The following PRTG variants were observed in gnomAD, a reference collection of about 807,000 sequenced individuals.
PRTG encodes immunoglobulin superfamily, DCC subclass, member 5.
A neutral mutation model predicts 122.5 loss-of-function variants in PRTG; 67 were observed. The observed-to-expected ratio is 0.55, with a 90% CI of 0.45 to 0.67. The LOEUF (loss-of-function observed/expected upper bound fraction) is 0.67. PRTG is among the 30% of genes least tolerant of loss of function. The probability of loss-of-function intolerance (pLI) is 0.00; values close to 1 mark genes in which losing one functional copy is unlikely to be tolerated. For synonymous variants in PRTG, 554 were observed against 501.1 expected (o/e 1.11, Z -1.41); for missense variants, 1,435 against 1,415.4 (o/e 1.01, Z -0.22).
In PRTG at chr15:55,742,973, C is replaced by T. The variant is rs1004611338; in HGVS notation, c.-42G>A. The T allele has an allele frequency of 4.2e-5, 59 of 1,420,018 alleles. No homozygotes were observed. The highest frequency in any genetic ancestry group is 5.1e-5 in the Non-Finnish European group (56 of 1,090,166). The allele number at this position is 1,420,018 out of a possible 1,614,324, so 88.0% of individuals were successfully genotyped here. A position where few individuals can be genotyped will look rare whatever the true frequency, so the allele number is the denominator to read the frequency against. On this transcript the variant is annotated 5_prime_UTR_variant, in exon 1 of 20. Transcript: ENST00000389286. ...GGCATGCTCCCCGGCCGCCCAGAGC[C>T]CCTGTCCGTCTGCGGCCCCCGCCCC...
chr15:55,618,240 A>G lies in PRTG; in HGVS notation c.*1772T>C, dbSNP rs766865. ...ACAAAATTACAGATTTAAAAAAATT[A>G]AAAATGTTATATCTACAGTCATTAG... On this transcript the variant is annotated 3_prime_UTR_variant, in exon 20 of 20. Transcript: ENST00000389286. The G allele has an allele frequency of 6.6e-6, 1 of 152,032 alleles. No individual in the cohort carries two copies. Among genetic ancestry groups the G allele is most frequent in the Non-Finnish European group, 1.5e-5 (1 of 67,988 alleles). The allele number at this position is 152,032 out of a possible 1,614,324, so 9.4% of individuals were successfully genotyped here.
chr15:55,656,218 G>T, intron 11 of PRTG: 1 of 347,884 alleles, frequency 2.9e-6, no homozygotes, highest in Non-Finnish European at 5.6e-6. Context: ...AGGATTACAC[G>T]CTCCACATCG....
At chr15:55,709,398 G>T (rs1481388014) in intron 2 of PRTG, among the ~76,000 whole-genome samples, 1 of 147,896 alleles carries the variant, frequency 6.8e-6, no homozygotes, top group Admixed American at 6.8e-5. Flanking sequence ...TAGAGAGAGA[G>T]AGCGCGTGAG....
At position 55,655,745 on chromosome 15, in the gene PRTG, T is replaced by C. The variant is rs1053506705; in HGVS notation, c.2042-14537A>G. 2.6e-5 allele frequency: 4 copies of C among 152,460 alleles called. No individual in the cohort carries two copies. The South Asian group carries it at 6.2e-4, about 24-fold the overall frequency. The allele number at this position is 152,460 out of a possible 1,614,324, so 9.4% of individuals were successfully genotyped here. On this transcript the variant is annotated intron_variant, in intron 11 of 19. Transcript: ENST00000389286. Reference sequence around the variant, plus strand: ...TAAGAGGCAAACTTATAGTATATACTGACTGATACAACTTTTAAATATCCC... The same window carrying C: ...TAAGAGGCAAACTTATAGTATATACCGACTGATACAACTTTTAAATATCCC...
At position 55,637,152 on chromosome 15, in the gene PRTG, G is replaced by T; in HGVS notation, c.2623+18C>A. ...ATAATCGTACTTTTCACCCTTCATG[G>T]CAATTTATGATATTTACCTTCACGG... On this transcript the variant is annotated intron_variant, in intron 15 of 19. Coordinates refer to ENST00000389286, the MANE Select transcript of PRTG (RefSeq NM_173814.6). 10 of 1,470,520 alleles carry T rather than the reference G, an allele frequency of 6.8e-6. No homozygotes were observed. Among genetic ancestry groups the T allele is most frequent in the Admixed American group, 2.2e-5 (1 of 44,518 alleles). 91.1% of individuals were successfully genotyped at this position (1,470,520 alleles called of 1,614,324 possible).
rs568397271 is a variant in PRTG at position 55,645,486 on chromosome 15, T to A, written c.2042-4278A>T. 2.8e-5 allele frequency among the ~76,000 whole-genome samples: 4 copies of A among 145,386 alleles called. No homozygotes were observed. In the East Asian group the frequency reaches 8.0e-4, roughly 29 times the overall value. ...AGGGACTAGAGCCCTCAAATAGTGT[T>A]AAGATAAACATCACCAGGCAGTAAG... On this transcript the variant is annotated intron_variant, in intron 11 of 19. Transcript: ENST00000389286.
At chr15:55,635,538 T>C (rs1447952399) in intron 15 of PRTG, among the ~76,000 whole-genome samples, 1 of 152,212 alleles carries the variant, frequency 6.6e-6, no homozygotes, top group Non-Finnish European at 1.5e-5. Context: ...TATTTTAAGT[T>C]GTAAATTAGT....
At chr15:55,648,397 A>G (rs1209279940) in intron 11 of PRTG, among the ~76,000 whole-genome samples, 1 of 152,234 alleles carries the variant, frequency 6.6e-6, no homozygotes, top group Non-Finnish European at 1.5e-5. Flanking sequence ...TTCTAACTGC[A>G]TATGATCTAA....
chr15:55,655,443 C>A (rs533751656), intron 11 of PRTG: 2 of 152,242 alleles, frequency 1.3e-5, no homozygotes, highest in South Asian at 4.1e-4. Flanking sequence ...ATCTAGGTTT[C>A]TTATATTCAA....
At chr15:55,642,443 C>A (rs1443181447) in intron 11 of PRTG, among the ~76,000 whole-genome samples, 1 of 151,594 alleles carries the variant, frequency 6.6e-6, no homozygotes, top group Non-Finnish European at 1.5e-5. Flanking sequence ...ATGGTGAAAC[C>A]CCATCTCTAC....
intron 2 of PRTG, among the ~76,000 whole-genome samples, chr15:55,695,797 CT>C (rs905698601): frequency 6.6e-6 from 1 of 152,188 alleles, no homozygotes; most frequent in African/African-American, 2.4e-5. Flanking sequence ...ACAGTGAAAC[CT>C]TTTTCTACCA....
intron 2 of PRTG, among the ~76,000 whole-genome samples, chr15:55,716,186 T>C (rs1353222317): frequency 6.6e-6 from 1 of 152,166 alleles, no homozygotes; most frequent in Non-Finnish European, 1.5e-5. Flanking sequence ...TGAGCCAAGA[T>C]CGTGGCACTG....
chr15:55,663,807 G>A (rs112588460), intron 11 of PRTG, among the ~76,000 whole-genome samples: 4,908 of 152,194 alleles, frequency 0.032, 287 homozygotes, highest in African/African-American at 0.11. Context: ...CTCCCAAAGT[G>A]CTGGGATTAC....
At chr15:55,708,735 C>CTATA (rs1337702583) in intron 2 of PRTG, among the ~76,000 whole-genome samples, 4 of 152,182 alleles carry the variant, frequency 2.6e-5, no homozygotes, top group East Asian at 1.9e-4. Context: ...GTGAAGCTGA[C>CTATA]TATACTACTA....
At chr15:55,669,135 T>C (rs1030001991) in intron 11 of PRTG, among the ~76,000 whole-genome samples, 1 of 151,836 alleles carries the variant, frequency 6.6e-6, no homozygotes, top group Non-Finnish European at 1.5e-5. Flanking sequence ...CCCAATAATA[T>C]ACTTTTTAAA....
rs937388884 is a variant in PRTG at position 55,619,671 on chromosome 15, T to C, written c.*341A>G. ...ATATATTTTATAATCCAGTCAAACA[T>C]CTCGACCGTTCTTTCACATTGCTGA... On this transcript the variant is annotated 3_prime_UTR_variant, in exon 20 of 20. Transcript: ENST00000389286. 7 of 228,756 alleles carry C rather than the reference T, an allele frequency of 3.1e-5. No homozygotes were observed. The highest frequency in any genetic ancestry group is 1.6e-3 in the Middle Eastern group (1 of 614). The allele number at this position is 228,756 out of a possible 1,614,324, so 14.2% of individuals were successfully genotyped here. A position where few individuals can be genotyped will look rare whatever the true frequency, so the allele number is the denominator to read the frequency against.
intron 2 of PRTG, among the ~76,000 whole-genome samples, chr15:55,725,768 G>T (rs1188386586): frequency 6.6e-6 from 1 of 152,072 alleles, no homozygotes; most frequent in Non-Finnish European, 1.5e-5. Context: ...GTCTACAAGA[G>T]ACTAACTTTA....
At chr15:55,640,477 A>T (rs910612530) in intron 12 of PRTG, among the ~76,000 whole-genome samples, 1 of 152,226 alleles carries the variant, frequency 6.6e-6, no homozygotes, top group Non-Finnish European at 1.5e-5. Context: ...CTAGCCAAAG[A>T]CACTGAGAAA....
intron 2 of PRTG, among the ~76,000 whole-genome samples, chr15:55,736,219 G>GT (rs2031408048): frequency 6.6e-6 from 1 of 152,070 alleles, no homozygotes; most frequent in Non-Finnish European, 1.5e-5. Context: ...AGGCACGCAG[G>GT]TAAGAGACTC....
Sources: allele counts gnomAD v4.1 joint callset (sites outside exome capture counted in the v4.1 genomes callset), GRCh38; gene constraint gnomAD v4.1.1; transcripts MANE v1.5; gene names NCBI Gene and HGNC (gene_info 2026-07-23, HGNC 2026-07-21).